The following CBR4 variants were observed in gnomAD, a reference collection of about 807,000 sequenced individuals.
CBR4 encodes the protein 3-oxoacyl-[acyl-carrier-protein] reductase.
A neutral mutation model predicts 21.0 loss-of-function variants in CBR4; 22 were observed. The ratio of observed to expected loss-of-function variants is 1.05; its 90% CI spans 0.75 to 1.50. The LOEUF is 1.50. Ranked by LOEUF, CBR4 falls within the 40% of genes most tolerant of loss-of-function variation. CBR4 has a pLI of 0.00. For synonymous variants in CBR4, 100 were observed against 104.4 expected, an observed-to-expected ratio of 0.96 and a Z score of 0.26; for missense variants, 302 against 286.3, an observed-to-expected ratio of 1.05 and a Z score of -0.40.
Position 168,988,990 on chromosome 4 carries a change from C to T in CBR4, c.*1160G>A, listed in dbSNP as rs763260603. The T allele has an allele frequency of 1.2e-4, 116 of 982,888 alleles. No homozygotes were observed. Among genetic ancestry groups the T allele is most frequent in the Non-Finnish European group, 1.2e-4 (103 of 827,774 alleles). 60.9% of individuals were successfully genotyped at this position (982,888 alleles called of 1,614,324 possible). A position where few individuals can be genotyped will look rare whatever the true frequency, so the allele number is the denominator to read the frequency against. On this transcript the variant is annotated 3_prime_UTR_variant, in exon 5 of 5. Transcript: ENST00000306193. ...TATTCCCGATAAAAAGAGTTTAATG[C>T]AAAATAATTATTACCTGGTATTTCA...
intron 2 of CBR4, among the ~76,000 whole-genome samples, chr4:168,917,972 G>A (rs1004320385): frequency 5.3e-5 from 8 of 151,946 alleles, no homozygotes; most frequent in Non-Finnish European, 8.8e-5. Flanking sequence ...AGGCTGAGGC[G>A]GGCGGATCAC....
chr4:168,959,567 T>TTTC (rs1763785503), intron 2 of CBR4, among the ~76,000 whole-genome samples: 2 of 148,360 alleles, frequency 1.3e-5, no homozygotes, highest in African/African-American at 5.0e-5. Context: ...ATTTCTTTTT[T>TTTC]TTTTTTTTTT....
chr4:168,956,202 A>G (rs1258202492), intron 2 of CBR4, among the ~76,000 whole-genome samples: 1 of 152,226 alleles, frequency 6.6e-6, no homozygotes, highest in Non-Finnish European at 1.5e-5. Flanking sequence ...CAGAATGTAT[A>G]TCAGCAAAGT....
intron 4 of CBR4, among the ~76,000 whole-genome samples, chr4:168,992,210 GA>G (rs1457367235): frequency 6.6e-6 from 1 of 152,136 alleles, no homozygotes; most frequent in Non-Finnish European, 1.5e-5. Context: ...CTTTCAATAA[GA>G]AACTGGTTAA....
intron 2 of CBR4, among the ~76,000 whole-genome samples, chr4:168,942,010 A>G (rs1582299072): frequency 6.6e-6 from 1 of 152,178 alleles, no homozygotes; most frequent in Non-Finnish European, 1.5e-5. Context: ...TAGACTCGAT[A>G]AAGAAAATGT....
At chr4:169,005,903 C>A (rs1730876243) in intron 3 of CBR4, 2 of 1,288,494 alleles carry the variant, frequency 1.6e-6, no homozygotes, top group Non-Finnish European at 2.0e-6. Flanking sequence ...AGCAGCATCT[C>A]CCTTCTGTGG....
At chr4:169,004,317 T>C (rs900441577) in intron 3 of CBR4, among the ~76,000 whole-genome samples, 19 of 152,204 alleles carry the variant, frequency 1.2e-4, no homozygotes, top group Non-Finnish European at 8.8e-5. Flanking sequence ...TAGACCATAA[T>C]ATAACTTTTA....
intron 2 of CBR4, among the ~76,000 whole-genome samples, chr4:168,930,338 G>A (rs934499239): frequency 2.0e-5 from 3 of 152,206 alleles, no homozygotes; most frequent in East Asian, 1.9e-4. Flanking sequence ...GCTTAAATAC[G>A]TAGAAAAGGA....
intron 2 of CBR4, among the ~76,000 whole-genome samples, chr4:168,951,304 G>T (rs552564014): frequency 1.3e-5 from 2 of 152,210 alleles, no homozygotes; most frequent in South Asian, 4.2e-4. Flanking sequence ...TGATCCACCC[G>T]CCTCGGCCTC....
chr4:168,916,200 C>A (rs540983021), intron 2 of CBR4, among the ~76,000 whole-genome samples: 4 of 152,252 alleles, frequency 2.6e-5, no homozygotes, highest in African/African-American at 9.6e-5. Flanking sequence ...ATCGCTTGAT[C>A]CCAGGAGTTC....
At position 169,004,769 on chromosome 4, in the gene CBR4, C is replaced by A. The variant is rs1164316185; in HGVS notation, c.400+1986G>T. Among the ~76,000 whole-genome samples, 3 of 152,208 alleles carry A rather than the reference C, an allele frequency of 2.0e-5. No individual in the cohort carries two copies. The East Asian group carries it at 5.8e-4, about 29-fold the overall frequency. ...AAATTGGCAAAGCTTCAATTATACACTTTTTGTAAAAGTGCAATTTCATTA... is the reference window on the plus strand; with the variant it reads ...AAATTGGCAAAGCTTCAATTATACAATTTTTGTAAAAGTGCAATTTCATTA... On this transcript the variant is annotated intron_variant, in intron 3 of 4. Transcript: ENST00000306193.
intron 2 of CBR4, among the ~76,000 whole-genome samples, chr4:168,932,346 A>G (rs1762994318): frequency 6.6e-6 from 1 of 152,088 alleles, no homozygotes; most frequent in Non-Finnish European, 1.5e-5. Context: ...AGCAGGGGAA[A>G]GAATTTCTGA....
chr4:168,981,351 A>G (rs1222918751), intron 2 of CBR4, among the ~76,000 whole-genome samples: 1 of 152,220 alleles, frequency 6.6e-6, no homozygotes, highest in Non-Finnish European at 1.5e-5. Context: ...GTGAGCCGAG[A>G]TCGCATCACT....
chr4:168,951,741 C>A (rs551352681), intron 2 of CBR4, among the ~76,000 whole-genome samples: 1 of 152,168 alleles, frequency 6.6e-6, no homozygotes, highest in African/African-American at 2.4e-5. Flanking sequence ...GAAGACAGGG[C>A]CCCAATCCCT....
intron 2 of CBR4, among the ~76,000 whole-genome samples, chr4:168,948,145 T>C (rs934145904): frequency 1.1e-4 from 17 of 152,214 alleles, no homozygotes; most frequent in African/African-American, 4.1e-4. Context: ...TGAGCATTTT[T>C]TCGTATGTTT....
At chr4:168,960,848 T>C (rs1350809423) in intron 2 of CBR4, among the ~76,000 whole-genome samples, 1 of 152,244 alleles carries the variant, frequency 6.6e-6, no homozygotes, top group Non-Finnish European at 1.5e-5. Flanking sequence ...TGCTAGATTA[T>C]GCTGGTAGGT....
chr4:168,982,428 T>C (rs186631550), intron 2 of CBR4, among the ~76,000 whole-genome samples: 16 of 152,246 alleles, frequency 1.1e-4, no homozygotes, highest in African/African-American at 3.4e-4. Flanking sequence ...AACAAGTTCA[T>C]AGAGACTTAC....
chr4:168,986,402 TC>T (rs915769330), downstream of CBR4, among the ~76,000 whole-genome samples: 2 of 152,172 alleles, frequency 1.3e-5, no homozygotes, highest in African/African-American at 4.8e-5. Flanking sequence ...TAGGTCAAAT[TC>T]CCCTAATTAT....
intron 2 of CBR4, among the ~76,000 whole-genome samples, chr4:168,922,179 T>C (rs1761720133): frequency 6.6e-6 from 1 of 150,888 alleles, no homozygotes; most frequent in Non-Finnish European, 1.5e-5. Context: ...TCTACCCTCA[T>C]AGTCATTGTC....
Sources: gnomAD v4.1 joint callset for allele counts (sites outside exome capture counted in the v4.1 genomes callset) on GRCh38, gnomAD v4.1.1 for gene constraint, MANE v1.5 for transcripts, NCBI Gene and HGNC (gene_info 2026-07-23, HGNC 2026-07-21) for gene names.